MVB12A: variants seen among roughly 807,000 people sequenced by gnomAD.
MVB12A encodes the protein multivesicular body subunit 12A, also known as CIN85/CD2AP family binding protein.
In MVB12A, 30 loss-of-function variants were observed where a neutral mutation model predicts 34.3. The ratio of observed to expected loss-of-function variants is 0.88; its 90% CI spans 0.65 to 1.19. The LOEUF (loss-of-function observed/expected upper bound fraction) is 1.19, where lower values mean the gene tolerates loss of function less well. MVB12A is among the 50% of genes most tolerant of loss of function. The probability of loss-of-function intolerance (pLI) is 0.00; values close to 1 mark genes in which losing one functional copy is unlikely to be tolerated. For missense variants in MVB12A, 355 were observed against 369.2 expected, an observed-to-expected ratio of 0.96 and a Z score of 0.31; for synonymous variants, 158 against 158.9, an observed-to-expected ratio of 0.99 and a Z score of 0.04.
intron 3 of MVB12A, chr19:17,421,172 T>G (rs2074836141): frequency 1.3e-5 from 5 of 380,144 alleles, no homozygotes; most frequent in Non-Finnish European, 2.5e-5. Flanking sequence ...CATACTAGAG[T>G]TGGCAAACCT....
chr19:17,422,705 C>T (rs2074845907), intron 4 of MVB12A: 1 of 241,980 alleles, frequency 4.1e-6, no homozygotes, highest in Admixed American at 5.5e-5. Flanking sequence ...AATCCCAGCA[C>T]TTTGGGAGGC....
intron 4 of MVB12A, 84 bp from the exon 5 acceptor site, chr19:17,423,413 CG>C: frequency 1.3e-6 from 2 of 1,495,188 alleles, no homozygotes; most frequent in South Asian, 2.6e-5. Context: ...CCTGCATGCC[CG>C]GGTCCCCCGC....
At chr19:17,407,509 G>A (rs965669191) in intron 2 of MVB12A, among the ~76,000 whole-genome samples, 2 of 152,172 alleles carry the variant, frequency 1.3e-5, no homozygotes, top group Non-Finnish European at 2.9e-5. Flanking sequence ...ACTGGACAGG[G>A]GGCCCTTCCC....
chr19:17,420,863 T>TCA, intron 3 of MVB12A: 1 of 662,050 alleles, frequency 1.5e-6, no homozygotes, highest in Non-Finnish European at 2.8e-6. Context: ...AGTTAAGTGT[T>TCA]CAGTCCACGC....
chr19:17,407,893 C>T (rs531643161), intron 2 of MVB12A, among the ~76,000 whole-genome samples: 11 of 152,362 alleles, frequency 7.2e-5, no homozygotes, highest in Admixed American at 2.0e-4. Context: ...ACTGTCCGCT[C>T]GGGCAACGGG....
chr19:17,420,675 G>T lies in MVB12A; in HGVS notation c.286+41G>T, dbSNP rs915056243. 32 of 1,443,718 alleles carry T rather than the reference G, an allele frequency of 2.2e-5. 1 individual carries two copies. Among genetic ancestry groups the T allele is most frequent in the Non-Finnish European group, 2.9e-5 (30 of 1,027,538 alleles). The allele number at this position is 1,443,718 out of a possible 1,614,324, so 89.4% of individuals were successfully genotyped here. On this transcript the variant is annotated intron_variant, in intron 3 of 8. Coordinates refer to ENST00000317040, the MANE Select transcript of MVB12A (RefSeq NM_138401.4). ...GAGGCGAGAGTTGTCCGGGTCCCTTGCAGGGAGGAGCGGGGGAGGAGGGAC... is the reference window on the plus strand; with the variant it reads ...GAGGCGAGAGTTGTCCGGGTCCCTTTCAGGGAGGAGCGGGGGAGGAGGGAC...
chr19:17,411,130 A>G (rs1346882395), intron 2 of MVB12A, among the ~76,000 whole-genome samples: 2 of 149,342 alleles, frequency 1.3e-5, no homozygotes, highest in African/African-American at 2.5e-5. Flanking sequence ...CACTACGCCC[A>G]GCTAATTTTT....
intron 2 of MVB12A, among the ~76,000 whole-genome samples, chr19:17,409,712 A>G (rs747884743): frequency 6.6e-6 from 1 of 151,024 alleles, no homozygotes; most frequent in Non-Finnish European, 1.5e-5. Context: ...CGGCCTCCCA[A>G]ATTGCTGGGG....
intron 2 of MVB12A, among the ~76,000 whole-genome samples, chr19:17,409,132 A>C (rs891835718): frequency 7.5e-6 from 1 of 134,010 alleles, no homozygotes; most frequent in African/African-American, 2.8e-5. Context: ...CCCGGCCTAT[A>C]TTTTATTTTA....
rs1286174124 is a variant in MVB12A, at chr19:17,422,314, C to T, written c.287-18C>T. 1 of 1,605,750 alleles carries T rather than the reference C, an allele frequency of 6.2e-7. No individual in the cohort carries two copies. The highest frequency in any genetic ancestry group is 8.5e-7 in the Non-Finnish European group (1 of 1,174,848). On this transcript the variant is annotated intron_variant, in intron 3 of 8. Coordinates refer to ENST00000317040, the MANE Select transcript of MVB12A (RefSeq NM_138401.4). ...CTGCCTGGCTTCCCTCTCTCACTCC[C>T]CTACCCCCCACTCCCAGAGGCCTCT...
chr19:17,420,118 C>T lies in MVB12A; in HGVS notation c.-18C>T, dbSNP rs2074827744. The T allele has an allele frequency of 7.5e-7, 1 of 1,330,794 alleles. No individual in the cohort carries two copies. The highest frequency in any genetic ancestry group is 1.5e-5 in the African/African-American group (1 of 64,786). 82.4% of individuals were successfully genotyped at this position (1,330,794 alleles called of 1,614,324 possible). On this transcript the variant is annotated 5_prime_UTR_variant, in exon 1 of 9. Transcript: ENST00000317040. ...AGGCTGTGCCCCGCGACCCCGCCTT[C>T]GGCGCTCGGCTCGCAGGATGGATCC... is the stretch of plus-strand genomic sequence containing the variant.
intron 2 of MVB12A, chr19:17,414,291 A>G (rs958974160): frequency 6.6e-6 from 1 of 152,170 alleles, no homozygotes; most frequent in Non-Finnish European, 1.5e-5. Context: ...AAAAGGAAAA[A>G]AAAAAGAATT....
intron 4 of MVB12A, 75 bp downstream of exon 4, chr19:17,422,533 G>A (rs2074845008): frequency 6.8e-7 from 1 of 1,474,662 alleles, no homozygotes; most frequent in Non-Finnish European, 9.2e-7. Flanking sequence ...GACCCTCAAG[G>A]ACACCCCTGA....
At position 17,420,581 on chromosome 19, in the gene MVB12A, A is replaced by G. The variant is rs779335731; in HGVS notation, c.233A>G (p.Asp78Gly). The G allele has an allele frequency of 6.2e-7, 1 of 1,613,956 alleles. No homozygotes were observed. The highest frequency in any genetic ancestry group is 1.1e-5 in the South Asian group (1 of 91,076). ...GTGGCCGATATCCAGATCGTGGTGG[A>G]CAAGAGCCCCCTGCCGCTGGGCTTC... is the stretch of plus-strand genomic sequence containing the variant. Reference protein sequence around the residue: ...NVVADIQIVVDKSPLPLGFSP... With the variant: ...NVVADIQIVVGKSPLPLGFSP... Residue 78 changes from aspartate (D) to glycine (G), a missense_variant, in exon 3 of 9, where the codon GAC becomes GGC. By Grantham distance (94) the Asp-to-Gly change is moderately conservative (BLOSUM62 -1). Coordinates refer to ENST00000317040, the MANE Select transcript of MVB12A (RefSeq NM_138401.4).
At position 17,420,216 on chromosome 19, in the gene MVB12A, G is replaced by A. The variant is rs1247314032; in HGVS notation, c.81G>A (p.Gly27=). The change falls in exon 1 of 9, where the codon GGG becomes GGA. Residue 27 remains glycine, a synonymous_variant. Coordinates refer to ENST00000317040, the MANE Select transcript of MVB12A (RefSeq NM_138401.4). ...WSSASAPPPR[G]FSAISCTVEG... ...CGGCCTCTGCACCCCCGCCGCGGGGGTTCAGCGCGGTGAGCGGCGTCGAGG... is the reference window on the plus strand; with the variant it reads ...CGGCCTCTGCACCCCCGCCGCGGGGATTCAGCGCGGTGAGCGGCGTCGAGG... The A allele has an allele frequency of 6.7e-7, 1 of 1,486,700 alleles. No homozygotes were observed. Among genetic ancestry groups the A allele is most frequent in the South Asian group, 1.4e-5 (1 of 71,756 alleles). 92.1% of individuals were successfully genotyped at this position (1,486,700 alleles called of 1,614,324 possible).
chr19:17,425,183 G>C lies in MVB12A; in HGVS notation c.*190G>C, dbSNP rs1478996123. On this transcript the variant is annotated 3_prime_UTR_variant, in exon 9 of 9. Coordinates refer to ENST00000317040, the MANE Select transcript of MVB12A (RefSeq NM_138401.4). ...GGAGGAGGGGGCGGGTCGAGGCTGC[G>C]TGGTGATGGGGTCTCCGCCCCCACG... The C allele has an allele frequency of 1.8e-5, 10 of 551,292 alleles. No homozygotes were observed. The East Asian group carries it at 3.2e-4, about 18-fold the overall frequency. 34.2% of individuals were successfully genotyped at this position (551,292 alleles called of 1,614,324 possible).
intron 2 of MVB12A, among the ~76,000 whole-genome samples, chr19:17,409,320 G>A (rs566029103): frequency 6.6e-6 from 1 of 151,430 alleles, no homozygotes; most frequent in Admixed American, 6.6e-5. Context: ...TAGGAGAGAC[G>A]GGGTTTCGAC....
At chr19:17,424,746 C>T in intron 8 of MVB12A, 69 bp downstream of exon 8, 1 of 1,530,962 alleles carries the variant, frequency 6.5e-7, no homozygotes, top group Non-Finnish European at 8.8e-7. Flanking sequence ...CCGGCACCCG[C>T]CCCTCGTCCG....
intron 2 of MVB12A, among the ~76,000 whole-genome samples, chr19:17,407,741 C>T (rs1210256902): frequency 3.3e-5 from 5 of 152,168 alleles, no homozygotes; most frequent in Non-Finnish European, 5.9e-5. Context: ...TAACCGCGGG[C>T]GAGCCTGACT....
Sources: allele counts gnomAD v4.1 joint callset (sites outside exome capture counted in the v4.1 genomes callset), GRCh38; gene constraint gnomAD v4.1.1; transcripts MANE v1.5; gene names NCBI Gene and HGNC (gene_info 2026-07-23, HGNC 2026-07-21).